The following APBB2 variants were observed in gnomAD, a reference collection of about 807,000 sequenced individuals.
The protein encoded by APBB2 is Fe65-like 1.
Under a neutral mutation model 82.5 loss-of-function variants are expected in APBB2, and 38 were observed. The observed-to-expected ratio is 0.46, with a 90% CI of 0.36 to 0.60. APBB2 has a LOEUF of 0.60. Among genes scored for constraint, APBB2 ranks in the 20% least tolerant of loss-of-function variants. The probability of loss-of-function intolerance (pLI) is 0.00; values close to 1 mark genes in which losing one functional copy is unlikely to be tolerated. For synonymous variants in APBB2, 341 were observed against 368.2 expected, an observed-to-expected ratio of 0.93 and a Z score of 0.85; for missense variants, 772 against 972.3, an observed-to-expected ratio of 0.79 and a Z score of 2.74.
intron 4 of APBB2, among the ~76,000 whole-genome samples, chr4:41,055,246 G>T (rs1727427502): frequency 2.6e-5 from 4 of 152,162 alleles, no homozygotes; most frequent in Admixed American, 2.6e-4. Flanking sequence ...CATCATGTGG[G>T]CCGTGACCAG....
chr4:41,066,279 CT>C (rs1405098569), intron 3 of APBB2, among the ~76,000 whole-genome samples: 2 of 152,204 alleles, frequency 1.3e-5, no homozygotes, highest in Non-Finnish European at 2.9e-5. Flanking sequence ...CCCCTTCATG[CT>C]CCCTTCTAAG....
intron 6 of APBB2, among the ~76,000 whole-genome samples, chr4:40,951,373 C>T (rs1038954846): frequency 7.9e-5 from 12 of 152,100 alleles, no homozygotes; most frequent in African/African-American, 2.7e-4. Flanking sequence ...AATAGAAAGC[C>T]GGCCTAGTCG....
At chr4:40,886,231 C>A (rs1025234147) in intron 12 of APBB2, among the ~76,000 whole-genome samples, 5 of 152,330 alleles carry the variant, frequency 3.3e-5, no homozygotes, top group Admixed American at 6.5e-5. Flanking sequence ...GTAATCCCGG[C>A]ACTTTGGGAG....
intron 12 of APBB2, among the ~76,000 whole-genome samples, chr4:40,846,036 GTGTGTGTGTGTC>G (rs1757524197): frequency 6.9e-6 from 1 of 145,440 alleles, no homozygotes; most frequent in African/African-American, 2.6e-5. Flanking sequence ...GTGTGTGTGT[GTGTGTGTGTGTC>G]ATTTATCAGC....
At chr4:40,851,670 T>C (rs2465542) in intron 12 of APBB2, among the ~76,000 whole-genome samples, 57,097 of 150,148 alleles carry the variant, frequency 0.38, 11,839 homozygotes, top group Non-Finnish European at 0.47. Flanking sequence ...ACTCCTGCCC[T>C]TTCCCATCTG....
At chr4:40,912,768 T>A (rs1778890002) in intron 10 of APBB2, among the ~76,000 whole-genome samples, 1 of 151,972 alleles carries the variant, frequency 6.6e-6, no homozygotes, top group South Asian at 2.1e-4. Context: ...GAGATTCACA[T>A]CCCACCTTCT....
chr4:40,909,928 C>T (rs1317313178), intron 10 of APBB2, among the ~76,000 whole-genome samples: 2 of 152,156 alleles, frequency 1.3e-5, no homozygotes, highest in African/African-American at 4.8e-5. Flanking sequence ...TGCTGTATTT[C>T]TTATTTTCTA....
chr4:41,008,573 G>A (rs1807440261), intron 6 of APBB2, among the ~76,000 whole-genome samples: 2 of 152,120 alleles, frequency 1.3e-5, no homozygotes, highest in African/African-American at 2.4e-5. Flanking sequence ...CCAAAATATA[G>A]GTAATTCATA....
intron 12 of APBB2, among the ~76,000 whole-genome samples, chr4:40,885,059 C>G (rs967811404): frequency 3.9e-5 from 6 of 152,178 alleles, no homozygotes; most frequent in Admixed American, 3.9e-4. Context: ...AATCTGTAAG[C>G]ATAAGCAACA....
chr4:40,970,963 C>G (rs146129517), intron 6 of APBB2, among the ~76,000 whole-genome samples: 1,557 of 152,294 alleles, frequency 0.01, 32 homozygotes, highest in African/African-American at 0.035. Flanking sequence ...TCTCCAAGGT[C>G]CAATAACTAA....
At chr4:41,171,059 G>A (rs536246803) in intron 1 of APBB2, among the ~76,000 whole-genome samples, 1 of 152,122 alleles carries the variant, frequency 6.6e-6, no homozygotes, top group African/African-American at 2.4e-5. Flanking sequence ...AACTCGCTAC[G>A]TCAGTTTCTC....
intron 5 of APBB2, among the ~76,000 whole-genome samples, chr4:41,032,997 A>ATGG (rs1326441415): frequency 6.6e-6 from 1 of 151,264 alleles, no homozygotes; most frequent in African/African-American, 2.4e-5. Context: ...GTTAGCCAGG[A>ATGG]TGGTCTCGAT....
chr4:40,903,012 G>GCA (rs1440427611), intron 10 of APBB2, among the ~76,000 whole-genome samples: 1 of 152,112 alleles, frequency 6.6e-6, no homozygotes, highest in African/African-American at 2.4e-5. Context: ...ACACAGTGGT[G>GCA]CACACCTGTA....
intron 10 of APBB2, among the ~76,000 whole-genome samples, chr4:40,904,684 CTTT>C (rs5857754): frequency 3.0e-5 from 4 of 133,844 alleles, no homozygotes; most frequent in Non-Finnish European, 1.6e-5. Flanking sequence ...TTTGTTATTG[CTTT>C]TTTTTTTTTT....
At chr4:41,186,518 C>G (rs1343261415) in intron 1 of APBB2, among the ~76,000 whole-genome samples, 4 of 152,140 alleles carry the variant, frequency 2.6e-5, no homozygotes, top group South Asian at 2.1e-4. Context: ...ATGTGTCAAC[C>G]CTTACACTAT....
At chr4:41,088,135 G>A (rs2153948806) in intron 3 of APBB2, among the ~76,000 whole-genome samples, 1 of 152,310 alleles carries the variant, frequency 6.6e-6, no homozygotes, top group East Asian at 1.9e-4. Flanking sequence ...ATAAGAAAAT[G>A]AGAACTGCAG....
chr4:41,105,703 T>C (rs1349677024), intron 2 of APBB2, among the ~76,000 whole-genome samples: 3 of 151,972 alleles, frequency 2.0e-5, no homozygotes, highest in Admixed American at 6.6e-5. Flanking sequence ...GCTAACACAG[T>C]GAAACCCCGT....
intron 10 of APBB2, among the ~76,000 whole-genome samples, chr4:40,896,920 C>T (rs1773834336): frequency 6.6e-6 from 1 of 152,210 alleles, no homozygotes; most frequent in Non-Finnish European, 1.5e-5. Context: ...GTGACCCTGG[C>T]TGGAGTGAGC....
In APBB2 at chr4:40,811,890, T is replaced by C. The variant is rs184474752; in HGVS notation, c.*4202A>G. 6.6e-6 allele frequency: 1 copy of C among 152,374 alleles called. No individual in the cohort carries two copies. Among genetic ancestry groups the C allele is most frequent in the East Asian group, 1.9e-4 (1 of 5,196 alleles). 9.4% of individuals were successfully genotyped at this position (152,374 alleles called of 1,614,324 possible). A position where few individuals can be genotyped will look rare whatever the true frequency, so the allele number is the denominator to read the frequency against. On this transcript the variant is annotated 3_prime_UTR_variant, in exon 18 of 18. Transcript: ENST00000508593. ...GTTAAGCTAAACCAGATTCAACTGA[T>C]TTCTCTAGTTACCTTTCATTTTGGA...
Sources: allele counts gnomAD v4.1 joint callset (sites outside exome capture counted in the v4.1 genomes callset), GRCh38; gene constraint gnomAD v4.1.1; transcripts MANE v1.5; gene names NCBI Gene and HGNC (gene_info 2026-07-23, HGNC 2026-07-21).